Variants in FANCD2 observed in about 807,000 individuals in gnomAD.
FANCD2 encodes the protein FA complementation group D2, also known as Fanconi anemia group D2 protein.
FANCD2 carries 131 observed loss-of-function variants against 192.3 expected under a neutral mutation model. The ratio of observed to expected loss-of-function variants is 0.68; its 90% CI spans 0.59 to 0.79. FANCD2 has a LOEUF of 0.79. FANCD2 is among the 30% of genes least tolerant of loss of function. The pLI, the probability that FANCD2 is intolerant of heterozygous loss-of-function variation, is 0.00. For synonymous variants in FANCD2, 524 were observed against 612.5 expected (o/e 0.86, Z 2.13); for missense variants, 1,508 against 1,701.6 (o/e 0.89, Z 2.00).
rs766619451 is a variant in FANCD2 at position 10,046,696 on chromosome 3, C to T, written c.1251C>T (p.Leu417=). 9.3e-6 allele frequency: 15 copies of T among 1,612,784 alleles called. 1 individual carries two copies. In the South Asian group the frequency reaches 1.6e-4, roughly 18 times the overall value. ...IRSGCIQEQL[L]QSTFSVHYLV... is the part of the protein sequence containing the mutation. ...CAGGCTGCATTCAAGAACAGCTGCTCCAGAGTACATTCTCTGTTCATTACT... is the reference window on the plus strand; with the variant it reads ...CAGGCTGCATTCAAGAACAGCTGCTTCAGAGTACATTCTCTGTTCATTACT... The change falls in exon 15 of 44, where the codon CTC becomes CTT. Residue 417 remains leucine, a synonymous_variant. Coordinates refer to ENST00000675286, the MANE Select transcript of FANCD2 (RefSeq NM_001018115.3).
At chr3:10,055,657 A>G (rs1386528960) in intron 18 of FANCD2, among the ~76,000 whole-genome samples, 1 of 151,934 alleles carries the variant, frequency 6.6e-6, no homozygotes, top group Admixed American at 6.6e-5. Context: ...CTAAAAATAC[A>G]AAAAATTAGC....
chr3:10,062,292 G>T, intron 20 of FANCD2, 81 bp downstream of exon 20: 1 of 1,152,086 alleles, frequency 8.7e-7, no homozygotes, highest in Middle Eastern at 2.6e-4. Context: ...CCAACCTGCA[G>T]TGCAGTGGCA....
chr3:10,100,342 T>G (rs904651405), intron 43 of FANCD2, among the ~76,000 whole-genome samples: 11 of 152,208 alleles, frequency 7.2e-5, no homozygotes, highest in African/African-American at 2.7e-4. Context: ...CAGAACAGAA[T>G]TTTGTACTGG....
chr3:10,074,505 CT>C, intron 28 of FANCD2, 24 bp from the exon 29 acceptor site: 1 of 1,604,106 alleles, frequency 6.2e-7, no homozygotes, highest in South Asian at 1.1e-5. Flanking sequence ...TATATATTCT[CT>C]TTGTTGCTGT....
intron 34 of FANCD2, 36 bp downstream of exon 34, chr3:10,087,300 T>TTA: frequency 7.7e-6 from 11 of 1,437,752 alleles, no homozygotes; most frequent in Non-Finnish European, 9.5e-6. Context: ...TTTTTTTTTT[T>TTA]AATGAATAGG....
At position 10,043,503 on chromosome 3, in the gene FANCD2, A is replaced by T. The variant is rs751421626; in HGVS notation, c.1009A>T (p.Ser337Cys). The change falls in exon 13 of 44, where the codon AGC becomes TGC. Residue 337 changes from serine (S) to cysteine (C), a missense_variant. Physicochemically the swap from Ser to Cys is moderately radical, Grantham distance 112. Around this residue, in one of 5 missense-constraint regions of FANCD2, gnomAD observed 435 missense variants for 421.9 expected, o/e 1.03. Coordinates refer to ENST00000675286, the MANE Select transcript of FANCD2 (RefSeq NM_001018115.3). ...TTGTAGTTCCTCAGGAAATCAAGAA[A>T]GCAGCGGTCAGAGCTGTATTATTCT... Reference protein sequence around the residue: ...GRASSSGNQESSGQSCIILLF... With the variant: ...GRASSSGNQECSGQSCIILLF... The T allele has an allele frequency of 6.2e-7, 1 of 1,613,864 alleles. No individual in the cohort carries two copies. The highest frequency in any genetic ancestry group is 8.5e-7 in the Non-Finnish European group (1 of 1,179,756).
chr3:10,101,381 T>A lies in FANCD2; in HGVS notation c.*119T>A. 1.9e-6 allele frequency: 1 copy of A among 513,744 alleles called. No homozygotes were observed. Among genetic ancestry groups the A allele is most frequent in the Non-Finnish European group, 3.4e-6 (1 of 295,294 alleles). The allele number at this position is 513,744 out of a possible 1,614,324, so 31.8% of individuals were successfully genotyped here. On this transcript the variant is annotated 3_prime_UTR_variant, in exon 44 of 44. Transcript: ENST00000675286. ...GTAGGATCCTTTTTTGTTCCTCTTTTTTTTTTTTTTTTTTTTTTTTTAAAG... is the reference window on the plus strand; with the variant it reads ...GTAGGATCCTTTTTTGTTCCTCTTTATTTTTTTTTTTTTTTTTTTTTAAAG...
intron 18 of FANCD2, among the ~76,000 whole-genome samples, chr3:10,053,607 C>A (rs1463504262): frequency 4.7e-5 from 7 of 149,730 alleles, no homozygotes; most frequent in Admixed American, 4.6e-4. Flanking sequence ...AATTTTAAAC[C>A]TCTTGAAATT....
Position 10,077,746 on chromosome 3 carries a change from G to A in FANCD2, c.2860-335G>A, listed in dbSNP as rs11710252. 3.3e-3 allele frequency among the ~76,000 whole-genome samples: 507 copies of A among 152,012 alleles called. No individual in the cohort carries two copies. The highest frequency in any genetic ancestry group is 4.1e-3 in the Non-Finnish European group (278 of 67,976). On this transcript the variant is annotated intron_variant, in intron 29 of 43. Coordinates refer to ENST00000675286, the MANE Select transcript of FANCD2 (RefSeq NM_001018115.3). ...GTATAAAAAAATTTAAAAATTCGCT[G>A]GGCCCAGGTGTGGTGGTTCATACCT...
chr3:10,061,674 A>T (rs1400262608), intron 19 of FANCD2, among the ~76,000 whole-genome samples: 1 of 152,212 alleles, frequency 6.6e-6, no homozygotes, highest in Non-Finnish European at 1.5e-5. Flanking sequence ...CCCTTAAAAA[A>T]TATGTACGAA....
intron 32 of FANCD2, among the ~76,000 whole-genome samples, chr3:10,084,208 G>T (rs533521006): frequency 2.1e-3 from 317 of 150,446 alleles, no homozygotes; most frequent in Middle Eastern, 7.8e-3. Flanking sequence ...TGGCCAGGCT[G>T]GTCTTGAACT....
intron 36 of FANCD2, among the ~76,000 whole-genome samples, 195 bp downstream of exon 36, chr3:10,089,145 C>T (rs1237531885): frequency 2.6e-5 from 4 of 152,116 alleles, no homozygotes; most frequent in African/African-American, 9.6e-5. Context: ...ATTAGCCGGG[C>T]GTGGTGGCAC....
rs555539811 is a variant in FANCD2 at position 10,095,209 on chromosome 3, C to A, written c.3973C>A (p.Leu1325Met). The A allele has an allele frequency of 4.2e-5, 68 of 1,613,760 alleles. No homozygotes were observed. In the East Asian group the frequency reaches 1.1e-3, roughly 26 times the overall value. ...AACTTATTGGTTATAGGAAGATGTT[C>A]TGAGCTTACTGGAAACCTTCCAGTT... ...FSFRKHREDV[L>M]SLLETFQLDT... Residue 1325 changes from leucine (L) to methionine (M), a missense_variant, in exon 41 of 44, where the codon CTG becomes ATG. Physicochemically the swap from Leu to Met is conservative, Grantham distance 15. This residue lies in a region of FANCD2 where 796 missense variants were observed against 879.4 expected (regional missense o/e 0.91). Transcript: ENST00000675286.
At chr3:10,091,328 G>A (rs569954735) in intron 37 of FANCD2, among the ~76,000 whole-genome samples, 16 of 150,928 alleles carry the variant, frequency 1.1e-4, no homozygotes, top group African/African-American at 3.2e-4. Flanking sequence ...CAATCCTCCC[G>A]CCTCAGCCTC....
At chr3:10,094,930 G>T (rs1694862494) in intron 40 of FANCD2, 1 of 484,380 alleles carries the variant, frequency 2.1e-6, no homozygotes, top group South Asian at 2.2e-5. Context: ...TCCTAATGTT[G>T]CAGATGGGAA....
At chr3:10,090,203 A>T in intron 36 of FANCD2, 89 bp from the exon 37 acceptor site, 1 of 893,470 alleles carries the variant, frequency 1.1e-6, no homozygotes, top group Non-Finnish European at 1.9e-6. Flanking sequence ...AGAGGTAGGG[A>T]AGGAAGCTAC....
At chr3:10,065,517 CCTTT>C in intron 24 of FANCD2, 23 bp downstream of exon 24, 4 of 1,457,222 alleles carry the variant, frequency 2.7e-6, no homozygotes, top group Non-Finnish European at 3.9e-6. Flanking sequence ...GTCATCAGAT[CCTTT>C]CTTCTTTATA....
At position 10,085,848 on chromosome 3, in the gene FANCD2, G is replaced by T; in HGVS notation, c.3261G>T (p.Leu1087=). ...GFSQPENQNL[L]YSALHVLSSR... ...CTCAACCTGAAAATCAGAATTTACT[G>T]TATTCAGCCCTCCATGTCCTTAGTA... Residue 1087 remains leucine (L), a synonymous_variant, in exon 33 of 44, where the codon CTG becomes CTT. Transcript: ENST00000675286. 1 of 1,613,676 alleles carries T rather than the reference G, an allele frequency of 6.2e-7. No homozygotes were observed. Among genetic ancestry groups the T allele is most frequent in the Non-Finnish European group, 8.5e-7 (1 of 1,179,704 alleles).
chr3:10,036,830 CT>C (rs2086743211), intron 7 of FANCD2, among the ~76,000 whole-genome samples: 1 of 151,840 alleles, frequency 6.6e-6, no homozygotes, highest in South Asian at 2.1e-4. Context: ...TTTTCTTTAC[CT>C]TTTAAATTTT....
Sources: gnomAD v4.1 joint callset for allele counts (sites outside exome capture counted in the v4.1 genomes callset) on GRCh38, gnomAD v4.1.1 for gene constraint, gnomAD v4.1.1 regional missense constraint, MANE v1.5 for transcripts, NCBI Gene and HGNC (gene_info 2026-07-23, HGNC 2026-07-21) for gene names.